TAF4B: variants seen among roughly 807,000 people sequenced by gnomAD.
The protein encoded by TAF4B is transcription initiation factor TFIID subunit 4B.
TAF4B carries 38 observed loss-of-function variants against 86.4 expected under a neutral mutation model. The ratio of observed to expected loss-of-function variants is 0.44; its 90% CI spans 0.34 to 0.58. TAF4B has a LOEUF of 0.58. Among genes scored for constraint, TAF4B ranks in the 20% least tolerant of loss-of-function variants. TAF4B has a pLI of 0.02. For missense variants in TAF4B, 988 were observed against 1,027.6 expected (o/e 0.96, Z 0.53); for synonymous variants, 388 against 391.2 (o/e 0.99, Z 0.10).
intron 13 of TAF4B, chr18:26,348,229 C>T (rs1272380683): frequency 6.6e-6 from 1 of 152,110 alleles, no homozygotes; most frequent in East Asian, 1.9e-4. Context: ...TCTTACCTGA[C>T]CACCATGGAA....
chr18:26,369,895 A>G (rs1199119929), intron 14 of TAF4B, among the ~76,000 whole-genome samples: 1 of 152,208 alleles, frequency 6.6e-6, no homozygotes, highest in Non-Finnish European at 1.5e-5. Context: ...GGGTTCCTGA[A>G]TTAGTTCTGG....
chr18:26,320,319 A>C (rs1000233984), intron 10 of TAF4B, among the ~76,000 whole-genome samples: 3 of 152,214 alleles, frequency 2.0e-5, no homozygotes, highest in Admixed American at 2.0e-4. Context: ...GGGGCTGAGA[A>C]GTACTATTTA....
intron 12 of TAF4B, among the ~76,000 whole-genome samples, chr18:26,329,492 C>G (rs1345749309): frequency 6.6e-6 from 1 of 152,260 alleles, no homozygotes; most frequent in African/African-American, 2.4e-5. Context: ...AACCATGTCT[C>G]TCTTTCATGG....
chr18:26,227,370 C>T, intron 1 of TAF4B, 94 bp downstream of exon 1: 1 of 1,094,748 alleles, frequency 9.1e-7, no homozygotes. Context: ...AAAACTGAGC[C>T]ACGGGAACAT....
intron 13 of TAF4B, among the ~76,000 whole-genome samples, chr18:26,350,877 A>C (rs1235601381): frequency 6.6e-6 from 1 of 152,176 alleles, no homozygotes; most frequent in Non-Finnish European, 1.5e-5. Flanking sequence ...AAAATGAGTA[A>C]TGTTATCGAG....
chr18:26,293,949 G>T (rs951411713), intron 9 of TAF4B, among the ~76,000 whole-genome samples: 10 of 152,212 alleles, frequency 6.6e-5, no homozygotes, highest in Non-Finnish European at 1.5e-4. Flanking sequence ...GTTTTTTAGA[G>T]CATCTGTGTC....
intron 1 of TAF4B, among the ~76,000 whole-genome samples, chr18:26,241,026 G>C (rs779157163): frequency 2.0e-5 from 3 of 152,136 alleles, no homozygotes; most frequent in Non-Finnish European, 2.9e-5. Context: ...GTTCATCAGG[G>C]GTATTGGTCT....
At chr18:26,250,225 CGGT>C (rs2055985153) in intron 1 of TAF4B, among the ~76,000 whole-genome samples, 1 of 151,824 alleles carries the variant, frequency 6.6e-6, no homozygotes, top group South Asian at 2.1e-4. Flanking sequence ...GTGCTGGGCG[CGGT>C]GGCTCACGCC....
chr18:26,328,307 G>A (rs916317971), intron 12 of TAF4B, among the ~76,000 whole-genome samples: 1 of 151,912 alleles, frequency 6.6e-6, no homozygotes, highest in African/African-American at 2.4e-5. Flanking sequence ...ATATTAGCCG[G>A]GTGTGGTGGT....
rs78098592 is a variant in TAF4B at position 26,278,556 on chromosome 18, C to G, written c.883-3415C>G. On this transcript the variant is annotated intron_variant, in intron 5 of 14. Coordinates refer to ENST00000269142, the MANE Select transcript of TAF4B (RefSeq NM_005640.3). ...ACTCCTGGCCTCAAGCGATCCTGCA[C>G]CCTTGGCCCGCCAAAGTACTGGGAT... is the stretch of plus-strand genomic sequence containing the variant. Among the ~76,000 whole-genome samples, 928 of 151,802 alleles carry G rather than the reference C, an allele frequency of 6.1e-3. 8 individuals carry two copies. Among genetic ancestry groups the G allele is most frequent in the African/African-American group, 0.021 (878 of 41,412 alleles).
At chr18:26,237,534 G>A (rs1039498032) in intron 1 of TAF4B, among the ~76,000 whole-genome samples, 2 of 152,084 alleles carry the variant, frequency 1.3e-5, no homozygotes, top group Non-Finnish European at 2.9e-5. Context: ...TTCCTTCTGG[G>A]TGGGGGAGAT....
chr18:26,343,059 G>A (rs192908554), intron 13 of TAF4B, among the ~76,000 whole-genome samples: 1 of 152,306 alleles, frequency 6.6e-6, no homozygotes, highest in African/African-American at 2.4e-5. Context: ...GCTATTTGAG[G>A]ACATTGAAAG....
At chr18:26,384,972 C>G (rs934915546) in intron 14 of TAF4B, among the ~76,000 whole-genome samples, 5 of 152,046 alleles carry the variant, frequency 3.3e-5, no homozygotes, top group African/African-American at 1.2e-4. Context: ...CCCAGTAACC[C>G]AGAGAATTTT....
chr18:26,252,910 A>G (rs544832010), intron 1 of TAF4B, among the ~76,000 whole-genome samples: 1 of 151,846 alleles, frequency 6.6e-6, no homozygotes, highest in Non-Finnish European at 1.5e-5. Flanking sequence ...ATAGGTATGT[A>G]TGTATAGAAA....
chr18:26,388,753 G>T (rs1284927056), intron 14 of TAF4B, among the ~76,000 whole-genome samples: 1 of 152,184 alleles, frequency 6.6e-6, no homozygotes, highest in East Asian at 1.9e-4. Flanking sequence ...GGGTTTATAC[G>T]TGATATGGTG....
At chr18:26,334,339 C>G (rs1169787386) in intron 12 of TAF4B, among the ~76,000 whole-genome samples, 1 of 152,090 alleles carries the variant, frequency 6.6e-6, no homozygotes, top group Non-Finnish European at 1.5e-5. Context: ...ATTTAGTTAG[C>G]TATCTAGATA....
chr18:26,389,443 A>AT (rs112455518), intron 14 of TAF4B, among the ~76,000 whole-genome samples: 11,824 of 152,270 alleles, frequency 0.078, 568 homozygotes, highest in Non-Finnish European at 0.1. Flanking sequence ...CATTTGATAG[A>AT]TTTTTATGTA....
chr18:26,347,840 A>C (rs1006752714), intron 13 of TAF4B, among the ~76,000 whole-genome samples: 2 of 152,238 alleles, frequency 1.3e-5, no homozygotes, highest in African/African-American at 2.4e-5. Flanking sequence ...ATTATACAAT[A>C]AGGGATTAAT....
At chr18:26,254,615 C>T (rs1399986466) in intron 1 of TAF4B, among the ~76,000 whole-genome samples, 1 of 152,126 alleles carries the variant, frequency 6.6e-6, no homozygotes, top group African/African-American at 2.4e-5. Context: ...TGTGCCATCC[C>T]GAAGACTTGC....
Sources: allele counts gnomAD v4.1 joint callset (sites outside exome capture counted in the v4.1 genomes callset), GRCh38; gene constraint gnomAD v4.1.1; transcripts MANE v1.5; gene names NCBI Gene and HGNC (gene_info 2026-07-23, HGNC 2026-07-21).